Variants in DYM observed in about 807,000 individuals in gnomAD.
DYM encodes the protein dymeclin.
Under a neutral mutation model 93.1 loss-of-function variants are expected in DYM, and 78 were observed. That is an observed-to-expected ratio of 0.84 (90% CI 0.70 to 1.01). DYM has a LOEUF of 1.01. DYM is among the 50% of genes least tolerant of loss of function. DYM has a pLI of 0.00. For missense variants in DYM, 789 were observed against 845.0 expected (o/e 0.93, Z 0.82); for synonymous variants, 321 against 319.7 (o/e 1.00, Z -0.04).
At chr18:49,311,503 T>A (rs888342978) in intron 8 of DYM, among the ~76,000 whole-genome samples, 8 of 152,056 alleles carry the variant, frequency 5.3e-5, no homozygotes, top group Non-Finnish European at 1.2e-4. Flanking sequence ...ATAGGCTGAA[T>A]TAAGAAAATG....
At chr18:49,132,110 T>C (rs576385183) in intron 15 of DYM, among the ~76,000 whole-genome samples, 22 of 152,308 alleles carry the variant, frequency 1.4e-4, no homozygotes, top group African/African-American at 5.3e-4. Context: ...CTAATTTTGT[T>C]AGATGTGATA....
chr18:49,408,000 G>C lies in DYM; in HGVS notation c.141-16355C>G, dbSNP rs965144926. On this transcript the variant is annotated intron_variant, in intron 2 of 17. Coordinates refer to ENST00000675505, the MANE Select transcript of DYM (RefSeq NM_001353214.3). ...GTGCCAGCTACTCAAGAGGCTGAAG[G>C]GGGAGGACTGCCTGATTCCAGGAAT... Among the ~76,000 whole-genome samples, 8 of 151,618 alleles carry C rather than the reference G, an allele frequency of 5.3e-5. No homozygotes were observed. The East Asian group carries it at 7.7e-4, about 15-fold the overall frequency.
At chr18:49,295,482 T>C (rs2060469291) in intron 8 of DYM, among the ~76,000 whole-genome samples, 1 of 152,174 alleles carries the variant, frequency 6.6e-6, no homozygotes, top group South Asian at 2.1e-4. Context: ...CACATCCTTA[T>C]CCTTGCCATT....
chr18:49,300,229 C>G (rs1234556015), intron 8 of DYM, among the ~76,000 whole-genome samples: 2 of 151,392 alleles, frequency 1.3e-5, no homozygotes, highest in African/African-American at 4.9e-5. Flanking sequence ...TTGACATACT[C>G]AAAAACATAA....
At chr18:49,050,822 G>A (rs1485725572) in intron 17 of DYM, among the ~76,000 whole-genome samples, 1 of 152,100 alleles carries the variant, frequency 6.6e-6, no homozygotes, top group Admixed American at 6.6e-5. Flanking sequence ...TGCACCATTT[G>A]TTTCCCCAAC....
chr18:49,287,208 T>C (rs2059722478), intron 8 of DYM, among the ~76,000 whole-genome samples: 2 of 151,818 alleles, frequency 1.3e-5, no homozygotes, highest in South Asian at 2.1e-4. Flanking sequence ...TAATAATAAA[T>C]GCATTATGAT....
intron 13 of DYM, among the ~76,000 whole-genome samples, chr18:49,255,533 C>T (rs1174334979): frequency 1.3e-5 from 2 of 151,564 alleles, no homozygotes; most frequent in African/African-American, 4.9e-5. Flanking sequence ...ATTAGCCAGG[C>T]GTGGTGGCGT....
In DYM at chr18:49,258,577, C is replaced by T. The variant is rs561142743; in HGVS notation, c.1252-84G>A. 108 of 881,086 alleles carry T rather than the reference C, an allele frequency of 1.2e-4. 2 individuals carry two copies. Among genetic ancestry groups the T allele is most frequent in the South Asian group, 2.9e-4 (21 of 71,336 alleles). The allele number at this position is 881,086 out of a possible 1,614,324, so 54.6% of individuals were successfully genotyped here. A position where few individuals can be genotyped will look rare whatever the true frequency, so the allele number is the denominator to read the frequency against. ...CTCCATGTCCACAATTTTTGATAAACGATGACTTTGCTCTGAAGGTGAGTT... is the reference window on the plus strand; with the variant it reads ...CTCCATGTCCACAATTTTTGATAAATGATGACTTTGCTCTGAAGGTGAGTT... On this transcript the variant is annotated intron_variant, in intron 11 of 17. Transcript: ENST00000675505.
intron 13 of DYM, among the ~76,000 whole-genome samples, chr18:49,217,328 C>T (rs374063994): frequency 0.01 from 1,526 of 152,300 alleles, 43 homozygotes; most frequent in South Asian, 0.075. Context: ...GGAAAACACT[C>T]TGCAGGATAT....
At chr18:49,094,094 T>C (rs1264878682) in intron 17 of DYM, among the ~76,000 whole-genome samples, 1 of 152,208 alleles carries the variant, frequency 6.6e-6, no homozygotes, top group East Asian at 1.9e-4. Context: ...TCTGGTTAAT[T>C]CCCCTTGAAA....
In DYM at chr18:49,358,482, C is replaced by T. The variant is rs142942260; in HGVS notation, c.494+4679G>A. On this transcript the variant is annotated intron_variant, in intron 6 of 17. Transcript: ENST00000675505. ...ACAAGTCACAGTACACAAATAGATACACACTCCCTGAAAAAGGCAGTGAAA... is the reference window on the plus strand; with the variant it reads ...ACAAGTCACAGTACACAAATAGATATACACTCCCTGAAAAAGGCAGTGAAA... 4.8e-3 allele frequency among the ~76,000 whole-genome samples: 734 copies of T among 152,288 alleles called. 3 individuals carry two copies. Among genetic ancestry groups the T allele is most frequent in the Admixed American group, 9.7e-3 (148 of 15,292 alleles).
At chr18:49,073,639 C>T (rs1456215486) in intron 17 of DYM, among the ~76,000 whole-genome samples, 1 of 152,178 alleles carries the variant, frequency 6.6e-6, no homozygotes, top group Non-Finnish European at 1.5e-5. Context: ...TTAAATTCAC[C>T]CTGCAAACCC....
intron 13 of DYM, among the ~76,000 whole-genome samples, chr18:49,221,535 A>G (rs1287795053): frequency 6.6e-6 from 1 of 152,224 alleles, no homozygotes; most frequent in African/African-American, 2.4e-5. Context: ...GACTGGATTA[A>G]GAAAATGTGG....
intron 2 of DYM, 131 bp from the exon 3 acceptor site, chr18:49,391,776 T>C (rs1371160790): frequency 2.9e-6 from 2 of 684,562 alleles, no homozygotes; most frequent in Non-Finnish European, 4.7e-6. Context: ...TAGTGAACAA[T>C]AAGATCAGCA....
chr18:49,382,949 T>G (rs150566384), intron 3 of DYM, among the ~76,000 whole-genome samples: 8 of 152,230 alleles, frequency 5.3e-5, no homozygotes, highest in Non-Finnish European at 1.0e-4. Flanking sequence ...TTTTCTAAGA[T>G]CTCACCGAAA....
At chr18:49,316,936 G>C (rs560986211) in intron 8 of DYM, among the ~76,000 whole-genome samples, 1 of 152,220 alleles carries the variant, frequency 6.6e-6, no homozygotes, top group African/African-American at 2.4e-5. Context: ...CTTTATGAAT[G>C]TACCACAGTT....
chr18:49,284,689 C>T (rs989085925), intron 9 of DYM, among the ~76,000 whole-genome samples: 14 of 152,130 alleles, frequency 9.2e-5, no homozygotes, highest in African/African-American at 4.8e-5. Flanking sequence ...TGGTGTGAAG[C>T]CAGGTATGCT....
intron 11 of DYM, among the ~76,000 whole-genome samples, chr18:49,264,887 T>C (rs2094545217): frequency 6.6e-6 from 1 of 152,138 alleles, no homozygotes; most frequent in African/African-American, 2.4e-5. Context: ...ACCTCTATAA[T>C]CTGGAGAACA....
chr18:49,202,710 C>T (rs2092119855), intron 14 of DYM, among the ~76,000 whole-genome samples: 1 of 83,262 alleles, frequency 1.2e-5, no homozygotes, highest in South Asian at 5.4e-4. Flanking sequence ...TGAGGAGCGT[C>T]TATGCCTGGC....
Sources: gnomAD v4.1 joint callset for allele counts (sites outside exome capture counted in the v4.1 genomes callset) on GRCh38, gnomAD v4.1.1 for gene constraint, MANE v1.5 for transcripts, NCBI Gene and HGNC (gene_info 2026-07-23, HGNC 2026-07-21) for gene names.